The following CDH22 variants were observed in gnomAD, a reference collection of about 807,000 sequenced individuals.
CDH22 encodes the protein cadherin 22.
Under a neutral mutation model 58.4 loss-of-function variants are expected in CDH22, and 30 were observed. The ratio of observed to expected loss-of-function variants is 0.51; its 90% CI spans 0.38 to 0.70. The LOEUF is 0.70. Ranked by LOEUF, CDH22 falls within the 30% of genes least tolerant of loss-of-function variation. CDH22 has a pLI of 0.00. For synonymous variants in CDH22, 513 were observed against 558.2 expected (o/e 0.92, Z 1.14); for missense variants, 1,014 against 1,233.9 (o/e 0.82, Z 2.67).
At chr20:46,279,974 T>C (rs1332328222) in intron 1 of CDH22, among the ~76,000 whole-genome samples, 1 of 152,164 alleles carries the variant, frequency 6.6e-6, no homozygotes, top group Non-Finnish European at 1.5e-5. Context: ...TGGATTATAA[T>C]TTCTGTGCTA....
chr20:46,183,769 GCT>G (rs2085805290), intron 10 of CDH22, among the ~76,000 whole-genome samples: 3 of 152,256 alleles, frequency 2.0e-5, no homozygotes, highest in South Asian at 2.1e-4. Flanking sequence ...GGCCACTAAG[GCT>G]CCGCATTGGG....
At chr20:46,296,998 G>C (rs992416340) in intron 1 of CDH22, among the ~76,000 whole-genome samples, 2 of 152,148 alleles carry the variant, frequency 1.3e-5, no homozygotes, top group African/African-American at 2.4e-5. Context: ...GGCAGGCTGC[G>C]GGGAGGGTCT....
Position 46,175,048 on chromosome 20 carries a change from G to A in CDH22, c.1945C>T (p.Arg649Cys). ...VLVLLILTLR[R>C]HHKSHLSSDE... The stretch of plus-strand genomic sequence containing the variant: ...GAGCTCAGGTGGCTCTTGTGGTGGC[G>A]CCTGAGGGTGAGGATCAGCAGCACC... Residue 649 changes from arginine to cysteine, a missense_variant, in exon 12 of 12, where the codon CGC becomes TGC. This residue lies in a region of CDH22 where 806 missense variants were observed against 1,038.7 expected (regional missense o/e 0.78). Coordinates refer to ENST00000537909, the MANE Select transcript of CDH22 (RefSeq NM_021248.3). 6.2e-7 allele frequency: 1 copy of A among 1,608,892 alleles called. No individual in the cohort carries two copies. The highest frequency in any genetic ancestry group is 8.5e-7 in the Non-Finnish European group (1 of 1,179,072).
intron 1 of CDH22, among the ~76,000 whole-genome samples, chr20:46,286,849 C>T (rs937763082): frequency 2.6e-5 from 4 of 152,174 alleles, no homozygotes; most frequent in Non-Finnish European, 2.9e-5. Flanking sequence ...GGCCCAGACC[C>T]AATTCCAGAC....
intron 1 of CDH22, among the ~76,000 whole-genome samples, chr20:46,264,928 C>T (rs538764955): frequency 6.6e-6 from 1 of 152,294 alleles, no homozygotes; most frequent in Non-Finnish European, 1.5e-5. Context: ...ATACCGTGTA[C>T]ACATGCAGAC....
At chr20:46,224,651 C>T (rs1204358842) in intron 4 of CDH22, among the ~76,000 whole-genome samples, 1 of 152,186 alleles carries the variant, frequency 6.6e-6, no homozygotes, top group Non-Finnish European at 1.5e-5. Flanking sequence ...AATTTACACT[C>T]CTCCTGTTTC....
chr20:46,279,036 A>G (rs1314601375), intron 1 of CDH22, among the ~76,000 whole-genome samples: 2 of 152,142 alleles, frequency 1.3e-5, no homozygotes, highest in Admixed American at 1.3e-4. Context: ...TGGTCCAGAC[A>G]CTGTTCCAAC....
Position 46,201,114 on chromosome 20 carries a change from C to T in CDH22, c.1287-1555G>A, listed in dbSNP as rs573313045. On this transcript the variant is annotated intron_variant, in intron 7 of 11. Coordinates refer to ENST00000537909, the MANE Select transcript of CDH22 (RefSeq NM_021248.3). ...CGGCCCAGAGAGGCCTCGCCAGCTC[C>T]GGCCTCCGCTTCCCCATGCTGATAA... 1.5e-3 allele frequency among the ~76,000 whole-genome samples: 233 copies of T among 152,366 alleles called. 3 individuals are homozygous for T. The highest frequency in any genetic ancestry group is 5.1e-3 in the African/African-American group (213 of 41,590).
At position 46,174,646 on chromosome 20, in the gene CDH22, C is replaced by T. The variant is rs1285123058; in HGVS notation, c.2347G>A (p.Ala783Thr). Residue 783 changes from alanine to threonine, a missense_variant, in exon 12 of 12, where the codon GCC becomes ACC. By Grantham distance (58) the Ala-to-Thr change is moderately conservative. Coordinates refer to ENST00000537909, the MANE Select transcript of CDH22 (RefSeq NM_021248.3). This position sits in a 1 kb window ranked among gnomAD's most constrained non-coding sequence, Gnocchi z 4.4. ...YAFEGADSPA[A>T]SLSSLHSGSS... ...CCGCTGTGCAGGGAGCTGAGCGAGGCGGCCGGCGAGTCCGCGCCCTCGAAG... is the reference window on the plus strand; with the variant it reads ...CCGCTGTGCAGGGAGCTGAGCGAGGTGGCCGGCGAGTCCGCGCCCTCGAAG... 6.4e-7 allele frequency: 1 copy of T among 1,554,246 alleles called. No individual in the cohort carries two copies. Among genetic ancestry groups the T allele is most frequent in the South Asian group, 1.2e-5 (1 of 84,982 alleles).
In CDH22 at chr20:46,251,103, C is replaced by G; in HGVS notation, c.192G>C (p.Trp64Cys). Residue 64 changes from tryptophan to cysteine, a missense_variant, in exon 2 of 12, where the codon TGG (tryptophan) becomes TGC (cysteine). Trp to Cys is a radical substitution (Grantham distance 215). Transcript: ENST00000537909. This position sits in a 1 kb window ranked among gnomAD's most constrained non-coding sequence, Gnocchi z 6.7. Reference sequence around the variant, plus strand: ...CTACCACGAAGAACTGGTTCCACACCCAGCCGCGTTTGACGCGGCCGGCTC... The same window carrying G: ...CTACCACGAAGAACTGGTTCCACACGCAGCCGCGTTTGACGCGGCCGGCTC... ...ALGAGRVKRG[W>C]VWNQFFVVEE... 2.5e-6 allele frequency: 4 copies of G among 1,609,234 alleles called. No homozygotes were observed. Among genetic ancestry groups the G allele is most frequent in the Non-Finnish European group, 3.4e-6 (4 of 1,177,914 alleles).
intron 4 of CDH22, among the ~76,000 whole-genome samples, chr20:46,225,456 G>T (rs2086164400): frequency 6.6e-6 from 1 of 152,164 alleles, no homozygotes; most frequent in Non-Finnish European, 1.5e-5. Context: ...GGCAAGCCGT[G>T]TGTATAGTGT....
chr20:46,203,728 C>G (rs185979466), intron 7 of CDH22, among the ~76,000 whole-genome samples: 1 of 152,130 alleles, frequency 6.6e-6, no homozygotes, highest in African/African-American at 2.4e-5. Context: ...ACACAGGAGT[C>G]CCCCCAACCC....
intron 1 of CDH22, among the ~76,000 whole-genome samples, chr20:46,286,877 A>G (rs2086579168): frequency 6.6e-6 from 1 of 152,080 alleles, no homozygotes; most frequent in African/African-American, 2.4e-5. Flanking sequence ...TCTGCCATTC[A>G]GGGTCCTTCA....
intron 1 of CDH22, among the ~76,000 whole-genome samples, chr20:46,302,578 C>T (rs192017936): frequency 6.6e-5 from 10 of 152,216 alleles, no homozygotes; most frequent in African/African-American, 2.2e-4. Context: ...GGGATGAACC[C>T]CGTCCCCGAA....
rs960660278 is a variant in CDH22 at position 46,244,202 on chromosome 20, C to A, written c.256-2945G>T. ...TCAGACCCCAGGCAGGGCTCACTTA[C>A]GAGTGAGGAATGGAGAGGAGCGAGT... On this transcript the variant is annotated intron_variant, in intron 2 of 11. Transcript: ENST00000537909. Among the ~76,000 whole-genome samples, 3 of 152,264 alleles carry A rather than the reference C, an allele frequency of 2.0e-5. No individual in the cohort carries two copies. The East Asian group carries it at 5.8e-4, about 29-fold the overall frequency.
chr20:46,178,779 G>C (rs1457438543), intron 10 of CDH22, among the ~76,000 whole-genome samples: 2 of 151,988 alleles, frequency 1.3e-5, no homozygotes, highest in East Asian at 3.9e-4. Context: ...TTGGCTGTGG[G>C]ATCTTTCTGT....
At chr20:46,204,114 G>A (rs901392217) in intron 7 of CDH22, among the ~76,000 whole-genome samples, 19 of 152,076 alleles carry the variant, frequency 1.2e-4, no homozygotes, top group Non-Finnish European at 2.4e-4. Flanking sequence ...GAGATAGTAG[G>A]CCGGGCAGGG....
At chr20:46,196,488 G>T (rs2085903471) in intron 8 of CDH22, among the ~76,000 whole-genome samples, 1 of 152,192 alleles carries the variant, frequency 6.6e-6, no homozygotes, top group Admixed American at 6.5e-5. Flanking sequence ...TGGCCAGGCT[G>T]GTCTCGAACT....
chr20:46,302,553 C>T (rs2086656920), intron 1 of CDH22, among the ~76,000 whole-genome samples: 2 of 152,116 alleles, frequency 1.3e-5, no homozygotes, highest in African/African-American at 4.8e-5. Context: ...CTGGCTGGGT[C>T]CAAGAAGGCT....
Sources: gnomAD v4.1 joint callset for allele counts (sites outside exome capture counted in the v4.1 genomes callset) on GRCh38, gnomAD v4.1.1 for gene constraint, gnomAD v4.1.1 regional missense constraint, Gnocchi (gnomAD v3.1) non-coding constraint, MANE v1.5 for transcripts, NCBI Gene and HGNC (gene_info 2026-07-23, HGNC 2026-07-21) for gene names.